TMEM74: variants seen among roughly 807,000 people sequenced by gnomAD.
The protein encoded by TMEM74 is transmembrane protein 74.
In TMEM74, 13 loss-of-function variants were observed where a neutral mutation model predicts 18.1. That is an observed-to-expected ratio of 0.72 (90% CI 0.47 to 1.14). The LOEUF is 1.14. Among genes scored for constraint, TMEM74 ranks in the 50% most tolerant of loss-of-function variants. The pLI, the probability that TMEM74 is intolerant of heterozygous loss-of-function variation, is 0.00. For synonymous variants in TMEM74, 159 were observed against 146.6 expected (o/e 1.08, Z -0.61); for missense variants, 372 against 375.9 (o/e 0.99, Z 0.09).
At chr8:108,753,516 G>A (rs1813924005) in intron 1 of TMEM74, among the ~76,000 whole-genome samples, 1 of 151,976 alleles carries the variant, frequency 6.6e-6, no homozygotes, top group Non-Finnish European at 1.5e-5. Context: ...GCAACTTTAG[G>A]TGTTTCTTAT....
At chr8:108,642,626 A>G (rs1812677188) in intron 2 of TMEM74, among the ~76,000 whole-genome samples, 1 of 152,144 alleles carries the variant, frequency 6.6e-6, no homozygotes, top group South Asian at 2.1e-4. Context: ...ACTGAGATGA[A>G]TACTCGTTTG....
At chr8:108,720,070 C>G (rs1470036307) in intron 1 of TMEM74, among the ~76,000 whole-genome samples, 2 of 151,990 alleles carry the variant, frequency 1.3e-5, no homozygotes, top group Admixed American at 1.3e-4. Flanking sequence ...GGAACTTTAG[C>G]TAATTTTTAA....
chr8:108,759,201 A>T (rs1814011777), intron 1 of TMEM74, among the ~76,000 whole-genome samples: 1 of 152,070 alleles, frequency 6.6e-6, no homozygotes, highest in South Asian at 2.1e-4. Context: ...TCTAATCTGT[A>T]CTGCCTTGTT....
At chr8:108,655,641 G>T (rs1812814418) in intron 1 of TMEM74, among the ~76,000 whole-genome samples, 1 of 152,130 alleles carries the variant, frequency 6.6e-6, no homozygotes, top group African/African-American at 2.4e-5. Context: ...GATTCCAGGA[G>T]AATTTCTTCT....
intron 2 of TMEM74, among the ~76,000 whole-genome samples, chr8:108,625,376 A>G (rs1210504976): frequency 6.6e-6 from 1 of 152,056 alleles, no homozygotes; most frequent in Non-Finnish European, 1.5e-5. Flanking sequence ...AACATTCTAT[A>G]TAGTCATGCG....
intron 1 of TMEM74, among the ~76,000 whole-genome samples, chr8:108,732,226 A>G (rs891080282): frequency 2.0e-5 from 3 of 152,244 alleles, no homozygotes; most frequent in South Asian, 2.1e-4. Context: ...ACTACAAAAC[A>G]GTGCTGAGTG....
At chr8:108,647,894 T>A (rs1391522182) in intron 2 of TMEM74, among the ~76,000 whole-genome samples, 2 of 152,052 alleles carry the variant, frequency 1.3e-5, no homozygotes, top group South Asian at 4.2e-4. Context: ...GGTTTGGGGT[T>A]AGAAGAATTT....
At chr8:108,735,031 T>C (rs1813731650) in intron 1 of TMEM74, among the ~76,000 whole-genome samples, 2 of 152,196 alleles carry the variant, frequency 1.3e-5, no homozygotes, top group African/African-American at 4.8e-5. Flanking sequence ...TAATCTGACT[T>C]TGTAAATCTA....
At chr8:108,699,170 TTCCTTCCTTCCTTCC>T (rs1160256321) in intron 1 of TMEM74, among the ~76,000 whole-genome samples, 9 of 106,970 alleles carry the variant, frequency 8.4e-5, no homozygotes, top group Non-Finnish European at 1.3e-4. Context: ...CCTTCCTTCC[TTCCTTCCTTCCTTCC>T]TCCCTCCCTC....
intron 1 of TMEM74, among the ~76,000 whole-genome samples, chr8:108,704,611 A>G (rs761292604): frequency 6.6e-6 from 1 of 152,228 alleles, no homozygotes; most frequent in Non-Finnish European, 1.5e-5. Context: ...ACTTTGTGTT[A>G]TATGTTGTGA....
chr8:108,749,314 A>G (rs1344823507), intron 1 of TMEM74, among the ~76,000 whole-genome samples: 2 of 152,020 alleles, frequency 1.3e-5, no homozygotes, highest in Non-Finnish European at 2.9e-5. Context: ...TGTTTGTGTC[A>G]TCTCTGATTT....
intron 2 of TMEM74, among the ~76,000 whole-genome samples, chr8:108,634,882 T>C (rs1169200273): frequency 1.3e-5 from 2 of 152,008 alleles, no homozygotes; most frequent in East Asian, 3.9e-4. Flanking sequence ...GTCTGAGCAG[T>C]AGAGGTGATC....
At chr8:108,770,279 G>A (rs1024056628) in intron 1 of TMEM74, among the ~76,000 whole-genome samples, 2 of 152,112 alleles carry the variant, frequency 1.3e-5, no homozygotes, top group Non-Finnish European at 2.9e-5. Context: ...GTATGGTTTA[G>A]TACAGTGAGA....
rs367819869 is a variant in TMEM74, at chr8:108,742,982, A to AT, written n.119+44493dup. Among the ~76,000 whole-genome samples, 461 of 152,250 alleles carry AT rather than the reference A, an allele frequency of 3.0e-3. 4 individuals are homozygous for AT. Among genetic ancestry groups the AT allele is most frequent in the African/African-American group, 0.011 (448 of 41,546 alleles). Reference sequence around the variant, plus strand: ...TGTAACTGAAAACAACTTGAAGACGATTTTTTTGCATTCAGCACAAGTGGC... The same window carrying AT: ...TGTAACTGAAAACAACTTGAAGACGATTTTTTTTGCATTCAGCACAAGTGGC... On this transcript the variant is annotated intron_variant and non_coding_transcript_variant, in intron 1 of 3. Transcript: ENST00000518838.
chr8:108,676,950 G>A (rs1014987206), intron 1 of TMEM74, among the ~76,000 whole-genome samples: 1 of 152,206 alleles, frequency 6.6e-6, no homozygotes, highest in African/African-American at 2.4e-5. Context: ...TATAGATGTT[G>A]AGGAAAAGTT....
chr8:108,756,607 G>A (rs1431321920), intron 1 of TMEM74, among the ~76,000 whole-genome samples: 176 of 57,306 alleles, frequency 3.1e-3, no homozygotes, highest in African/African-American at 0.014. Flanking sequence ...AGAAAGGAAG[G>A]AAGGAAGGAA....
At chr8:108,748,063 C>T (rs12889136) in intron 1 of TMEM74, among the ~76,000 whole-genome samples, 11 of 152,032 alleles carry the variant, frequency 7.2e-5, no homozygotes, top group Admixed American at 1.3e-4. Flanking sequence ...ATGTATATTC[C>T]TTTGGGTATA....
chr8:108,653,794 A>G (rs1812796579), intron 2 of TMEM74, among the ~76,000 whole-genome samples: 1 of 152,138 alleles, frequency 6.6e-6, no homozygotes, highest in Non-Finnish European at 1.5e-5. Flanking sequence ...GGTTATGTGC[A>G]AATATCCTTT....
intron 1 of TMEM74, among the ~76,000 whole-genome samples, chr8:108,658,993 G>A (rs910237927): frequency 2.0e-5 from 3 of 152,018 alleles, no homozygotes; most frequent in African/African-American, 7.2e-5. Flanking sequence ...CTTTTACCAC[G>A]GCTTCCACCT....
Sources: allele counts gnomAD v4.1 joint callset (sites outside exome capture counted in the v4.1 genomes callset), GRCh38; gene constraint gnomAD v4.1.1; transcripts MANE v1.5; gene names NCBI Gene and HGNC (gene_info 2026-07-23, HGNC 2026-07-21).